The following RBM19 variants were observed in gnomAD, a reference collection of about 807,000 sequenced individuals.
RBM19 encodes the protein RNA binding motif protein 19.
A neutral mutation model predicts 116.8 loss-of-function variants in RBM19; 94 were observed. The ratio of observed to expected loss-of-function variants is 0.80; its 90% CI spans 0.68 to 0.95. The LOEUF (loss-of-function observed/expected upper bound fraction) is 0.95. Among genes scored for constraint, RBM19 ranks in the 40% least tolerant of loss-of-function variants. The probability of loss-of-function intolerance (pLI) is 0.00; values close to 1 mark genes in which losing one functional copy is unlikely to be tolerated. For missense variants in RBM19, 1,161 were observed against 1,220.7 expected (o/e 0.95, Z 0.73); for synonymous variants, 475 against 494.1 (o/e 0.96, Z 0.51).
At chr12:113,912,265 G>A (rs981236399) in intron 21 of RBM19, among the ~76,000 whole-genome samples, 1 of 152,208 alleles carries the variant, frequency 6.6e-6, no homozygotes, top group African/African-American at 2.4e-5. Flanking sequence ...CTGCACACCT[G>A]TCCCACTGGC....
At chr12:113,850,625 C>T (rs1298426023) in intron 22 of RBM19, among the ~76,000 whole-genome samples, 3 of 152,252 alleles carry the variant, frequency 2.0e-5, no homozygotes, top group Non-Finnish European at 2.9e-5. Context: ...GACAGACCTC[C>T]TCTCAGCAAC....
chr12:113,916,031 C>T (rs903259530), intron 20 of RBM19, among the ~76,000 whole-genome samples: 26 of 152,040 alleles, frequency 1.7e-4, no homozygotes. Context: ...TGTTTCTTTT[C>T]TTTTTTTTGT....
downstream of RBM19, chr12:113,818,299 G>C (rs1470600975): frequency 1.3e-5 from 2 of 152,000 alleles, no homozygotes; most frequent in East Asian, 3.9e-4. Context: ...CTGTGGGGGT[G>C]CTCACCTGTT....
intron 22 of RBM19, among the ~76,000 whole-genome samples, chr12:113,850,702 C>T (rs190989624): frequency 1.1e-4 from 17 of 152,350 alleles, no homozygotes; most frequent in East Asian, 9.7e-4. Context: ...CCCAGGGCCA[C>T]GGCTTCTGGG....
chr12:113,852,095 T>C (rs1463697415), intron 22 of RBM19, among the ~76,000 whole-genome samples: 2 of 151,982 alleles, frequency 1.3e-5, no homozygotes, highest in Non-Finnish European at 2.9e-5. Context: ...AGGAAGGCTG[T>C]CAAACTTGGC....
chr12:113,842,690 C>T (rs374295434), intron 23 of RBM19, among the ~76,000 whole-genome samples: 4 of 152,038 alleles, frequency 2.6e-5, no homozygotes, highest in Admixed American at 6.5e-5. Flanking sequence ...CAAGAAGGCA[C>T]GGTGACAGAA....
At chr12:113,831,958 A>C (rs1875457396) in intron 23 of RBM19, among the ~76,000 whole-genome samples, 1 of 152,134 alleles carries the variant, frequency 6.6e-6, no homozygotes, top group Non-Finnish European at 1.5e-5. Flanking sequence ...CTGCATGGCC[A>C]GCCATGTGCA....
Position 113,927,110 on chromosome 12 carries a change from A to C in RBM19, c.2188T>G (p.Cys730Gly). The change falls in exon 17 of 24, where the codon TGT (cysteine) becomes GGT (glycine). Residue 730 changes from cysteine (C) to glycine (G), a missense_variant. Cys to Gly is a radical substitution (Grantham distance 159, BLOSUM62 -3). Transcript: ENST00000261741. ...EEEEEESLPG[C>G]TLFIKNLNFD... ...TTGAGATTCTTAATAAACAGAGTAC[A>C]TCCTGGGAGGCTCTCTTCTTCTTCT... is the stretch of plus-strand genomic sequence containing the variant. 1 of 1,613,560 alleles carries C rather than the reference A, an allele frequency of 6.2e-7. No individual in the cohort carries two copies. Among genetic ancestry groups the C allele is most frequent in the Non-Finnish European group, 8.5e-7 (1 of 1,179,994 alleles).
At chr12:113,895,997 T>C (rs1362735789) in intron 21 of RBM19, among the ~76,000 whole-genome samples, 1 of 151,974 alleles carries the variant, frequency 6.6e-6, no homozygotes, top group African/African-American at 2.4e-5. Flanking sequence ...GATATATATG[T>C]AGAGAGGAGA....
chr12:113,840,314 A>G (rs1286553987), intron 23 of RBM19, among the ~76,000 whole-genome samples: 1 of 152,218 alleles, frequency 6.6e-6, no homozygotes, highest in Non-Finnish European at 1.5e-5. Flanking sequence ...AGGTGAGGCC[A>G]GCAGGGAGGT....
At chr12:113,864,105 C>A (rs11066794) in intron 21 of RBM19, among the ~76,000 whole-genome samples, 1 of 151,930 alleles carries the variant, frequency 6.6e-6, no homozygotes, top group South Asian at 2.1e-4. Context: ...CCACAACAGG[C>A]GAAGTGACTT....
Position 113,940,299 on chromosome 12 carries a change from A to T in RBM19, c.1738-139T>A. Reference sequence around the variant, plus strand: ...AACCAGGCACTTAGGAGGAAGACCCAGGAGGAACGACCCTCTCTGGCATGA... The same window carrying T: ...AACCAGGCACTTAGGAGGAAGACCCTGGAGGAACGACCCTCTCTGGCATGA... On this transcript the variant is annotated intron_variant, in intron 14 of 23. Transcript: ENST00000261741. 3 of 841,182 alleles carry T rather than the reference A, an allele frequency of 3.6e-6. No individual in the cohort carries two copies. In the Admixed American group the frequency reaches 7.8e-5, roughly 22 times the overall value. The allele number at this position is 841,182 out of a possible 1,614,324, so 52.1% of individuals were successfully genotyped here.
At chr12:113,857,172 G>T (rs1007973134) in intron 22 of RBM19, among the ~76,000 whole-genome samples, 6 of 152,192 alleles carry the variant, frequency 3.9e-5, no homozygotes, top group African/African-American at 1.4e-4. Context: ...GAGCTCAGTG[G>T]AATGCAGTGG....
In RBM19 at chr12:113,960,058, C is replaced by G; in HGVS notation, c.339+1G>C. ...AGAGGCTAGAGTGACCCTTTACATA[C>G]TTTCTTAATTTCTGGAGTAGTAGAG... On this transcript the variant is annotated splice_donor_variant, in intron 3 of 23. Transcript: ENST00000261741. LOFTEE classifies it high-confidence loss of function. 6.2e-7 allele frequency: 1 copy of G among 1,614,220 alleles called. No homozygotes were observed. The highest frequency in any genetic ancestry group is 8.5e-7 in the Non-Finnish European group (1 of 1,180,030).
chr12:113,935,765 G>A (rs942136246), intron 16 of RBM19, among the ~76,000 whole-genome samples: 1 of 152,224 alleles, frequency 6.6e-6, no homozygotes, highest in African/African-American at 2.4e-5. Flanking sequence ...TGGGCGTGGT[G>A]GCTTATGCCT....
At position 113,843,119 on chromosome 12, in the gene RBM19, T is replaced by C. The variant is rs371828283; in HGVS notation, c.2785+1549A>G. Among the ~76,000 whole-genome samples the C allele has an allele frequency of 5.3e-5, 8 of 152,312 alleles. No individual in the cohort carries two copies. In the South Asian group the frequency reaches 1.2e-3, roughly 24 times the overall value. Reference sequence around the variant, plus strand: ...GTCGTTTCGCCCTAAGCAAGACCAGTGGCCCCACTGGAAGGCTCCTATCTC... The same window carrying C: ...GTCGTTTCGCCCTAAGCAAGACCAGCGGCCCCACTGGAAGGCTCCTATCTC... On this transcript the variant is annotated intron_variant, in intron 23 of 23. Coordinates refer to ENST00000261741, the MANE Select transcript of RBM19 (RefSeq NM_016196.4).
At chr12:113,892,260 C>T (rs1881010152) in intron 21 of RBM19, among the ~76,000 whole-genome samples, 1 of 152,170 alleles carries the variant, frequency 6.6e-6, no homozygotes, top group South Asian at 2.1e-4. Flanking sequence ...CACGAGACCT[C>T]AGGTGAGTCA....
At chr12:113,850,730 T>C (rs1023014211) in intron 22 of RBM19, among the ~76,000 whole-genome samples, 11 of 152,316 alleles carry the variant, frequency 7.2e-5, no homozygotes, top group African/African-American at 2.6e-4. Flanking sequence ...GAGGACAGTA[T>C]TCCTGTCTTT....
intron 21 of RBM19, among the ~76,000 whole-genome samples, chr12:113,895,337 T>C (rs1486755635): frequency 1.3e-5 from 2 of 152,056 alleles, no homozygotes; most frequent in Non-Finnish European, 2.9e-5. Flanking sequence ...GGTGAGCTGC[T>C]GGGAGGGAAA....
Sources: gnomAD v4.1 joint callset for allele counts (sites outside exome capture counted in the v4.1 genomes callset) on GRCh38, gnomAD v4.1.1 for gene constraint, MANE v1.5 for transcripts, NCBI Gene and HGNC (gene_info 2026-07-23, HGNC 2026-07-21) for gene names.